Variants in LRGUK observed in about 807,000 individuals in gnomAD.
The protein encoded by LRGUK is leucine-rich repeat and guanylate kinase domain-containing protein.
A neutral mutation model predicts 76.0 loss-of-function variants in LRGUK; 65 were observed. The observed-to-expected ratio is 0.85, with a 90% confidence interval of 0.70 to 1.05. The LOEUF is 1.05. Ranked by LOEUF, LRGUK falls within the 50% of genes least tolerant of loss-of-function variation. The probability of loss-of-function intolerance (pLI) is 0.00; values close to 1 mark genes in which losing one functional copy is unlikely to be tolerated. For synonymous variants in LRGUK, 268 were observed against 265.6 expected (o/e 1.01, Z -0.09); for missense variants, 758 against 732.8 (o/e 1.03, Z -0.40).
rs542558351 is a variant in LRGUK at position 134,209,720 on chromosome 7, AG to A, written c.2858del (p.Ser953ThrfsTer11). ...AGACACCAGTAAACTTCCTCCCATC[AG>A]CCCTCCGCACTCAAAACCACCACCA... On this transcript the variant is annotated frameshift_variant, in exon 16 of 16. Coordinates refer to ENST00000645682, the Ensembl canonical transcript of LRGUK. LOFTEE classifies it low-confidence loss of function (END_TRUNC). 1.6e-4 allele frequency: 62 copies of A among 399,708 alleles called. No individual in the cohort carries two copies. The South Asian group carries it at 2.0e-3, about 13-fold the overall frequency. The allele number at this position is 399,708 out of a possible 1,614,324, so 24.8% of individuals were successfully genotyped here. A position where few individuals can be genotyped will look rare whatever the true frequency, so the allele number is the denominator to read the frequency against.
At chr7:134,272,077 G>A in the LRGUK span, among the ~76,000 whole-genome samples, 3 of 151,984 alleles carry the variant, frequency 2.0e-5, no homozygotes, top group African/African-American at 4.8e-5. Context: ...CAATGATAAC[G>A]AGCATCCTTG....
chr7:134,186,447 A>G (rs1347100393), intron 11 of LRGUK, among the ~76,000 whole-genome samples: 2 of 152,224 alleles, frequency 1.3e-5, no homozygotes, highest in Non-Finnish European at 2.9e-5. Flanking sequence ...TGAGTTCTCA[A>G]TATCCAGTAT....
chr7:134,274,825 A>G, the LRGUK span, among the ~76,000 whole-genome samples: 2 of 152,106 alleles, frequency 1.3e-5, no homozygotes, highest in Non-Finnish European at 2.9e-5. Context: ...TATACCTATC[A>G]TTTCAATCTT....
intron 18 of LRGUK, among the ~76,000 whole-genome samples, chr7:134,249,910 A>G (rs1257547597): frequency 6.6e-6 from 1 of 152,336 alleles, no homozygotes; most frequent in East Asian, 1.9e-4. Flanking sequence ...ATTGCCATCT[A>G]CTACGGGGTG....
intron 1 of LRGUK, among the ~76,000 whole-genome samples, chr7:134,128,699 G>A (rs1331595518): frequency 6.6e-6 from 1 of 152,104 alleles, no homozygotes; most frequent in South Asian, 2.1e-4. Context: ...ACAGGTGTGT[G>A]CCACCATGCC....
At chr7:134,165,389 T>C (rs1205127564) in intron 7 of LRGUK, among the ~76,000 whole-genome samples, 1 of 152,172 alleles carries the variant, frequency 6.6e-6, no homozygotes, top group East Asian at 1.9e-4. Context: ...TTCAATGTTC[T>C]TAACCTCTGC....
chr7:134,228,929 T>C (rs1173285007), intron 16 of LRGUK, among the ~76,000 whole-genome samples: 1 of 152,164 alleles, frequency 6.6e-6, no homozygotes, highest in Non-Finnish European at 1.5e-5. Context: ...TCAGAGGTCA[T>C]AGCCAGTGCA....
intron 15 of LRGUK, among the ~76,000 whole-genome samples, chr7:134,215,638 A>T (rs1801417511): frequency 6.6e-6 from 1 of 152,204 alleles, no homozygotes; most frequent in Admixed American, 6.5e-5. Flanking sequence ...AATCTTGATC[A>T]GCTTACTTCC....
At chr7:134,224,703 A>C (rs931592587) in intron 16 of LRGUK, among the ~76,000 whole-genome samples, 39 of 152,240 alleles carry the variant, frequency 2.6e-4, no homozygotes, top group African/African-American at 9.1e-4. Context: ...AAAAGCTAAA[A>C]AAAAAATGTC....
At chr7:134,184,379 C>T (rs111980585) in intron 11 of LRGUK, among the ~76,000 whole-genome samples, 65 of 151,740 alleles carry the variant, frequency 4.3e-4, no homozygotes, top group African/African-American at 1.5e-3. Context: ...ATACCATTCT[C>T]CTGCCTCAGC....
chr7:134,221,602 A>T (rs975209994), intron 15 of LRGUK, among the ~76,000 whole-genome samples, 177 bp from the exon 16 acceptor site: 2 of 152,110 alleles, frequency 1.3e-5, no homozygotes, highest in Admixed American at 1.3e-4. Context: ...GGCTGATTTT[A>T]TTATTATGAG....
exon 16 of LRGUK, chr7:134,208,725 A>C: frequency 2.5e-6 from 1 of 399,028 alleles, no homozygotes; most frequent in Non-Finnish European, 4.4e-6. Context: ...GCTAGCAAGA[A>C]GACTGTCTCT....
At chr7:134,240,434 A>G (rs184222856) in intron 16 of LRGUK, among the ~76,000 whole-genome samples, 1 of 152,370 alleles carries the variant, frequency 6.6e-6, no homozygotes, top group East Asian at 1.9e-4. Flanking sequence ...AATTTGATCA[A>G]CTGGAAGAAA....
chr7:134,237,042 TTCTC>T (rs147778333), intron 16 of LRGUK, among the ~76,000 whole-genome samples: 7,464 of 139,962 alleles, frequency 0.053, 287 homozygotes, highest in African/African-American at 0.15. Flanking sequence ...CTAAATGCTT[TTCTC>T]TTTCTTTTTT....
chr7:134,258,088 A>G (rs1220129603), intron 18 of LRGUK, among the ~76,000 whole-genome samples, 169 bp from the exon 19 acceptor site: 1 of 152,168 alleles, frequency 6.6e-6, no homozygotes, highest in Non-Finnish European at 1.5e-5. Context: ...CAGCTTCTAT[A>G]TAGCACCTTC....
At chr7:134,267,208 A>C (rs2117240808), downstream of LRGUK, among the ~76,000 whole-genome samples, 1 of 152,302 alleles carries the variant, frequency 6.6e-6, no homozygotes. Context: ...GAAAAATGGA[A>C]AGAGTAAAAA....
chr7:134,171,482 G>T (rs17167581), intron 7 of LRGUK, among the ~76,000 whole-genome samples: 3 of 151,112 alleles, frequency 2.0e-5, no homozygotes, highest in South Asian at 4.2e-4. Context: ...ACATATATAA[G>T]TTTTTTTTTA....
chr7:134,272,542 C>G, the LRGUK span, among the ~76,000 whole-genome samples: 1 of 152,186 alleles, frequency 6.6e-6, no homozygotes, highest in South Asian at 2.1e-4. Context: ...ATATTATAAT[C>G]AGACAAAGTA....
chr7:134,272,934 C>T, the LRGUK span, among the ~76,000 whole-genome samples: 1 of 152,128 alleles, frequency 6.6e-6, no homozygotes, highest in Non-Finnish European at 1.5e-5. Flanking sequence ...CATTTTACTT[C>T]GGATTTTATC....
Sources: allele counts gnomAD v4.1 joint callset (sites outside exome capture counted in the v4.1 genomes callset), GRCh38; gene constraint gnomAD v4.1.1; transcripts MANE v1.5; gene names NCBI Gene and HGNC (gene_info 2026-07-23, HGNC 2026-07-21).